USP33: variants seen among roughly 807,000 people sequenced by gnomAD.
USP33 encodes the protein ubiquitin specific peptidase 33.
A neutral mutation model predicts 124.2 loss-of-function variants in USP33; 46 were observed. That is an observed-to-expected ratio of 0.37 (90% CI 0.29 to 0.47). USP33 has a LOEUF of 0.47. USP33 is among the 20% of genes least tolerant of loss of function. The pLI, the probability that USP33 is intolerant of heterozygous loss-of-function variation, is 0.99. For missense variants in USP33, 851 were observed against 1,070.6 expected (o/e 0.79, Z 2.86); for synonymous variants, 350 against 352.3 (o/e 0.99, Z 0.07).
chr1:77,753,422 C>A (rs904720308), intron 1 of USP33, among the ~76,000 whole-genome samples: 4 of 150,814 alleles, frequency 2.7e-5, no homozygotes, highest in African/African-American at 4.9e-5. Context: ...ACCCACCCCC[C>A]ATCTTTACAA....
intron 1 of USP33, among the ~76,000 whole-genome samples, chr1:77,757,677 C>G (rs1354406248): frequency 6.6e-6 from 1 of 152,182 alleles, no homozygotes; most frequent in African/African-American, 2.4e-5. Context: ...AGTCCACAGT[C>G]TTGTCATATG....
chr1:77,746,744 T>A (rs927064367), intron 1 of USP33, among the ~76,000 whole-genome samples: 1 of 152,216 alleles, frequency 6.6e-6, no homozygotes, highest in African/African-American at 2.4e-5. Context: ...TCAATAAACA[T>A]AATCCATCAT....
chr1:77,737,763 C>T (rs1678644287), intron 5 of USP33, among the ~76,000 whole-genome samples: 1 of 152,176 alleles, frequency 6.6e-6, no homozygotes, highest in Non-Finnish European at 1.5e-5. Context: ...AGTTTGTAAT[C>T]TTGATCTTTT....
At chr1:77,758,920 T>C (rs1255939410) in intron 1 of USP33, among the ~76,000 whole-genome samples, 1 of 152,232 alleles carries the variant, frequency 6.6e-6, no homozygotes, top group East Asian at 1.9e-4. Context: ...TCTATGAGAA[T>C]GTAAACTCCA....
intron 1 of USP33, among the ~76,000 whole-genome samples, chr1:77,742,214 G>A (rs528953578): frequency 6.6e-6 from 1 of 151,860 alleles, no homozygotes; most frequent in Admixed American, 6.6e-5. Context: ...CCTACTGATG[G>A]CATAAATTAA....
chr1:77,731,330 T>C (rs1365619516), intron 7 of USP33, among the ~76,000 whole-genome samples: 1 of 152,134 alleles, frequency 6.6e-6, no homozygotes, highest in African/African-American at 2.4e-5. Flanking sequence ...ATTCCATCAT[T>C]TGGTATTAAT....
At chr1:77,728,241 C>A in intron 10 of USP33, 54 bp downstream of exon 10, 1 of 1,484,308 alleles carries the variant, frequency 6.7e-7, no homozygotes, top group Non-Finnish European at 9.0e-7. Flanking sequence ...TTTAAACACC[C>A]ATGTCTACAA....
chr1:77,721,776 A>G, intron 14 of USP33, 55 bp downstream of exon 14: 1 of 1,465,790 alleles, frequency 6.8e-7, no homozygotes, highest in Admixed American at 2.2e-5. Flanking sequence ...ATTTAGTCCC[A>G]CTAGTATTTT....
rs538846878 is a variant in USP33, at chr1:77,753,002, C to T, written c.-52+6641G>A. Reference sequence around the variant, plus strand: ...GCTGAGGCATGGGAATTGCTGGAACCCGCGAAGAGGAGGTCGAAGTGAGCC... The same window carrying T: ...GCTGAGGCATGGGAATTGCTGGAACTCGCGAAGAGGAGGTCGAAGTGAGCC... On this transcript the variant is annotated intron_variant, in intron 1 of 23. Coordinates refer to ENST00000370794, the MANE Select transcript of USP33 (RefSeq NM_201624.3). 1.1e-3 allele frequency among the ~76,000 whole-genome samples: 174 copies of T among 152,164 alleles called. 1 individual carries two copies. The highest frequency in any genetic ancestry group is 3.8e-3 in the African/African-American group (159 of 41,522).
chr1:77,723,264 ATCT>A, intron 12 of USP33, 64 bp downstream of exon 12: 1 of 1,167,412 alleles, frequency 8.6e-7, no homozygotes, highest in Middle Eastern at 1.9e-4. Context: ...TTTTCACATC[ATCT>A]TGTCACATTT....
At chr1:77,737,344 T>C (rs1208779380) in intron 5 of USP33, among the ~76,000 whole-genome samples, 1 of 152,242 alleles carries the variant, frequency 6.6e-6, no homozygotes, top group Non-Finnish European at 1.5e-5. Flanking sequence ...CATACTTTCA[T>C]TTTGTTTTCA....
intron 17 of USP33, among the ~76,000 whole-genome samples, chr1:77,717,324 C>T (rs908384281): frequency 6.6e-6 from 1 of 151,884 alleles, no homozygotes; most frequent in African/African-American, 2.4e-5. Flanking sequence ...CCCGTCTCCA[C>T]TAAAAATACA....
chr1:77,732,786 CTT>C (rs1319267767), intron 7 of USP33, among the ~76,000 whole-genome samples: 5 of 142,452 alleles, frequency 3.5e-5, no homozygotes, highest in Admixed American at 7.1e-5. Context: ...GTAAATGTCT[CTT>C]CTTTTTTTTT....
chr1:77,744,010 G>C (rs1469913056), intron 1 of USP33, among the ~76,000 whole-genome samples: 2 of 151,834 alleles, frequency 1.3e-5, no homozygotes, highest in Non-Finnish European at 2.9e-5. Flanking sequence ...TATAGTCCCA[G>C]CTACTCAGGA....
At chr1:77,737,597 T>C (rs1324233994) in intron 5 of USP33, among the ~76,000 whole-genome samples, 1 of 152,228 alleles carries the variant, frequency 6.6e-6, no homozygotes, top group Non-Finnish European at 1.5e-5. Flanking sequence ...TGTTTTCTTC[T>C]GAATAATTTC....
chr1:77,749,359 GTATTTTTTTA>G (rs1680064817), intron 1 of USP33, among the ~76,000 whole-genome samples: 1 of 151,086 alleles, frequency 6.6e-6, no homozygotes, highest in African/African-American at 2.4e-5. Flanking sequence ...GCCTTTGGTT[GTATTTTTTTA>G]TGTTTTTTGT....
At chr1:77,711,008 T>C (rs1675185380) in intron 21 of USP33, among the ~76,000 whole-genome samples, 1 of 152,126 alleles carries the variant, frequency 6.6e-6, no homozygotes, top group Admixed American at 6.6e-5. Flanking sequence ...GGACACCTCA[T>C]AATATGCTCA....
At chr1:77,743,104 G>A (rs59090864) in intron 1 of USP33, among the ~76,000 whole-genome samples, 1,919 of 151,812 alleles carry the variant, frequency 0.013, 35 homozygotes, top group African/African-American at 0.044. Context: ...CACCACACCC[G>A]ACCACTTTTT....
chr1:77,699,291 C>T (rs151077144), intron 22 of USP33, among the ~76,000 whole-genome samples: 1 of 152,248 alleles, frequency 6.6e-6, no homozygotes, highest in East Asian at 1.9e-4. Context: ...GAGGCCGAGG[C>T]AGGTGGCTCA....
Sources: gnomAD v4.1 joint callset for allele counts (sites outside exome capture counted in the v4.1 genomes callset) on GRCh38, gnomAD v4.1.1 for gene constraint, MANE v1.5 for transcripts, NCBI Gene and HGNC (gene_info 2026-07-23, HGNC 2026-07-21) for gene names.